Variants in TACC1 observed in about 807,000 individuals in gnomAD.
TACC1 encodes transforming acidic coiled-coil-containing protein 1.
TACC1 carries 48 observed loss-of-function variants against 84.4 expected under a neutral mutation model. The observed-to-expected ratio is 0.57, with a 90% CI of 0.45 to 0.72. The LOEUF is 0.72. Ranked by LOEUF, TACC1 falls within the 30% of genes least tolerant of loss-of-function variation. TACC1 has a pLI of 0.00. For missense variants in TACC1, 920 were observed against 973.0 expected, an observed-to-expected ratio of 0.95 and a Z score of 0.72; for synonymous variants, 372 against 376.3, an observed-to-expected ratio of 0.99 and a Z score of 0.13.
At position 38,842,401 on chromosome 8, in the gene TACC1, T is replaced by A. The variant is rs755716308; in HGVS notation, c.2075T>A (p.Phe692Tyr). The A allele has an allele frequency of 7.4e-6, 12 of 1,614,048 alleles. No individual in the cohort carries two copies. The highest frequency in any genetic ancestry group is 1.0e-5 in the Non-Finnish European group (12 of 1,179,988). ...GTGGAAAGGTCCCTTTCTGATCTCT[T>A]CAGGAGATATGAGAACCTGAAAGGT... ...NSVERSLSDLFRRYENLKGVL... is the reference protein window; with the variant it reads ...NSVERSLSDLYRRYENLKGVL... Residue 692 changes from phenylalanine (F) to tyrosine (Y), a missense_variant, in exon 10 of 13, where the codon TTC becomes TAC. This residue lies in a region of TACC1 where 158 missense variants were observed against 225.6 expected (regional missense o/e 0.70). Transcript: ENST00000317827.
intron 11 of TACC1, among the ~76,000 whole-genome samples, chr8:38,843,986 G>A (rs1315993287): frequency 6.6e-6 from 1 of 152,080 alleles, no homozygotes; most frequent in Non-Finnish European, 1.5e-5. Flanking sequence ...TATAAGTGTT[G>A]TCAGATTGGC....
At chr8:38,795,745 T>C (rs930455368) in intron 2 of TACC1, among the ~76,000 whole-genome samples, 4 of 152,228 alleles carry the variant, frequency 2.6e-5, no homozygotes, top group African/African-American at 9.6e-5. Flanking sequence ...GCCTGGTGAC[T>C]ATTAAATCTG....
Position 38,820,520 on chromosome 8 carries a change from A to G in TACC1, c.1276A>G (p.Met426Val), listed in dbSNP as rs913531770. 3.1e-6 allele frequency: 5 copies of G among 1,614,056 alleles called. No homozygotes were observed. The highest frequency in any genetic ancestry group is 1.3e-5 in the African/African-American group (1 of 74,920). ...HFDPDNFDES[M>V]DPFKPTTTLT... ...TGACCCAGATAACTTTGACGAATCCATGGATCCCTTTAAACCAACTACGAC... is the reference window on the plus strand; with the variant it reads ...TGACCCAGATAACTTTGACGAATCCGTGGATCCCTTTAAACCAACTACGAC... Residue 426 changes from methionine to valine, a missense_variant, in exon 3 of 13, where the codon ATG becomes GTG. Met to Val is a conservative substitution (Grantham distance 21). Around this residue, in one of 2 missense-constraint regions of TACC1, gnomAD observed 762 missense variants for 747.3 expected, o/e 1.02. Coordinates refer to ENST00000317827, the MANE Select transcript of TACC1 (RefSeq NM_006283.3).
chr8:38,840,554 C>A (rs1420569125), intron 9 of TACC1: 1 of 254,300 alleles, frequency 3.9e-6, no homozygotes, highest in Non-Finnish European at 7.5e-6. Flanking sequence ...CCTGAACATA[C>A]TCACACACTG....
chr8:38,827,202 TTTC>T lies in TACC1; in HGVS notation c.1489_1491del (p.Ser497del), dbSNP rs1472319182. On this transcript the variant is annotated inframe_deletion, in exon 5 of 13. Coordinates refer to ENST00000317827, the MANE Select transcript of TACC1 (RefSeq NM_006283.3). ...GCAGTGATCTCCCAGATTTCAGACA[TTTC>T]TAATAGGGATGGCCATGCTACTGAT... 1.2e-6 allele frequency: 2 copies of T among 1,614,044 alleles called. No individual in the cohort carries two copies. The highest frequency in any genetic ancestry group is 1.7e-4 in the Middle Eastern group (1 of 5,956).
Position 38,787,392 on chromosome 8 carries a change from A to ACG in TACC1, c.-189_-188dup. 7.4e-7 allele frequency: 1 copy of ACG among 1,353,202 alleles called. No individual in the cohort carries two copies. Among genetic ancestry groups the ACG allele is most frequent in the African/African-American group, 1.5e-5 (1 of 64,792 alleles). 83.8% of individuals were successfully genotyped at this position (1,353,202 alleles called of 1,614,324 possible). On this transcript the variant is annotated 5_prime_UTR_variant, in exon 1 of 13. Coordinates refer to ENST00000317827, the MANE Select transcript of TACC1 (RefSeq NM_006283.3). ...CCGTGAGGGGAGGAGGCCGAGGAGG[A>ACG]CGCAGCGCCGGCTGCCGGCGGGAGG... is the stretch of plus-strand genomic sequence containing the variant.
chr8:38,801,622 C>G (rs1821385762), intron 2 of TACC1, among the ~76,000 whole-genome samples: 2 of 152,112 alleles, frequency 1.3e-5, no homozygotes, highest in African/African-American at 2.4e-5. Context: ...ATTACTATAG[C>G]TTTGTAGTAA....
chr8:38,792,990 C>A (rs985180518), intron 2 of TACC1, among the ~76,000 whole-genome samples: 1 of 152,134 alleles, frequency 6.6e-6, no homozygotes, highest in South Asian at 2.1e-4. Context: ...GTGCCCTCTG[C>A]CCCTTGAGTT....
intron 11 of TACC1, 49 bp from the exon 12 acceptor site, chr8:38,846,650 C>A: frequency 6.2e-7 from 1 of 1,608,506 alleles, no homozygotes; most frequent in African/African-American, 1.3e-5. Context: ...TGACTAGTGG[C>A]TAATCATGTG....
chr8:38,762,931 G>A (rs1811506521), intron 3 of TACC1, among the ~76,000 whole-genome samples: 1 of 152,158 alleles, frequency 6.6e-6, no homozygotes, highest in Non-Finnish European at 1.5e-5. Flanking sequence ...GCTCTTTGGA[G>A]TATAAACCTA....
Position 38,778,924 on chromosome 8 carries a change from T to C in TACC1, c.27-9780T>C, listed in dbSNP as rs557880018. ...TATGCCTTTTATGCTCTGGCCCAAT[T>C]TTTTGTGCCTTTGAGGATTCTCATT... On this transcript the variant is annotated intron_variant, in intron 3 of 14. Transcript: ENST00000518415. 3.9e-5 allele frequency among the ~76,000 whole-genome samples: 6 copies of C among 151,968 alleles called. No individual in the cohort carries two copies. In the East Asian group the frequency reaches 9.7e-4, roughly 24 times the overall value.
intron 3 of TACC1, among the ~76,000 whole-genome samples, chr8:38,757,758 T>C (rs1409086715): frequency 6.6e-6 from 1 of 152,026 alleles, no homozygotes; most frequent in Non-Finnish European, 1.5e-5. Context: ...GACAGAGTTA[T>C]TTGTAGGGAG....
chr8:38,775,972 AG>A (rs1277697477), intron 3 of TACC1, among the ~76,000 whole-genome samples: 1 of 152,206 alleles, frequency 6.6e-6, no homozygotes, highest in Non-Finnish European at 1.5e-5. Flanking sequence ...TGTGTGTGCT[AG>A]AAATCGTCAC....
chr8:38,763,139 TTTG>T (rs539652779), intron 3 of TACC1, among the ~76,000 whole-genome samples: 14 of 152,074 alleles, frequency 9.2e-5, no homozygotes, highest in East Asian at 7.7e-4. Context: ...TGGTATCTCA[TTTG>T]TTGTTGTTGT....
At chr8:38,846,283 CAAAAAAAAAAAAAAAAA>C (rs538545237) in intron 11 of TACC1, 2 of 59,654 alleles carry the variant, frequency 3.4e-5, no homozygotes, top group African/African-American at 1.4e-4. Flanking sequence ...GACTCCATCT[CAAAAAAAAAAAAAAAAA>C]AAAAAAAAAA....
intron 3 of TACC1, among the ~76,000 whole-genome samples, chr8:38,773,593 T>TCTATCTAGCTAGCTATCTAGCTAG (rs1563382005): frequency 8.8e-6 from 1 of 113,386 alleles, no homozygotes; most frequent in Non-Finnish European, 2.1e-5. Flanking sequence ...TATCTAGCTA[T>TCTATCTAGCTAGCTATCTAGCTAG]CTATCTATCT....
Position 38,820,336 on chromosome 8 carries a change from A to T in TACC1, c.1092A>T (p.Leu364Phe). The change falls in exon 3 of 13, where the codon TTA (leucine) becomes TTT (phenylalanine). Residue 364 changes from leucine to phenylalanine, a missense_variant. Leu to Phe is a conservative substitution (Grantham distance 22). Transcript: ENST00000317827. Reference sequence around the variant, plus strand: ...ATGGCATCAGTAAGTCAGCAGGTTTAGAACAGCCTACAGACCCAGTGGCAC... The same window carrying T: ...ATGGCATCAGTAAGTCAGCAGGTTTTGAACAGCCTACAGACCCAGTGGCAC... ...QKDGISKSAG[L>F]EQPTDPVARD... 1 of 1,614,216 alleles carries T rather than the reference A, an allele frequency of 6.2e-7. No homozygotes were observed. Among genetic ancestry groups the T allele is most frequent in the Non-Finnish European group, 8.5e-7 (1 of 1,180,038 alleles).
At chr8:38,742,330 C>A in intron 1 of TACC1, 1 of 1,149,664 alleles carries the variant, frequency 8.7e-7, no homozygotes, top group South Asian at 1.9e-5. Context: ...GTGACTCCCA[C>A]CTGACTTAAT....
Position 38,819,694 on chromosome 8 carries a change from G to C in TACC1, c.450G>C (p.Arg150Ser). Reference protein sequence around the residue: ...EHDFSKISIVRPFSIETKDST... With the variant: ...EHDFSKISIVSPFSIETKDST... ...ATTTTAGCAAAATTTCCATCGTGAG[G>C]CCATTTTCAATAGAAACGAAGGATT... Residue 150 changes from arginine to serine, a missense_variant, in exon 3 of 13, where the codon AGG (arginine) becomes AGC (serine). Around this residue, in one of 2 missense-constraint regions of TACC1, gnomAD observed 762 missense variants for 747.3 expected, o/e 1.02. Coordinates refer to ENST00000317827, the MANE Select transcript of TACC1 (RefSeq NM_006283.3). 6.2e-7 allele frequency: 1 copy of C among 1,614,158 alleles called. No individual in the cohort carries two copies. The highest frequency in any genetic ancestry group is 1.1e-5 in the South Asian group (1 of 91,078).
Sources: allele counts gnomAD v4.1 joint callset (sites outside exome capture counted in the v4.1 genomes callset), GRCh38; gene constraint gnomAD v4.1.1; regional missense constraint gnomAD v4.1.1; transcripts MANE v1.5; gene names NCBI Gene and HGNC (gene_info 2026-07-23, HGNC 2026-07-21).